Variants in DPP4 observed in about 807,000 individuals in gnomAD.
DPP4 encodes the protein ADCP-2.
A neutral mutation model predicts 122.4 loss-of-function variants in DPP4; 93 were observed. The ratio of observed to expected loss-of-function variants is 0.76; its 90% CI spans 0.64 to 0.90. DPP4 has a LOEUF of 0.90. Among genes scored for constraint, DPP4 ranks in the 40% least tolerant of loss-of-function variants. The pLI is 0.00. For missense variants in DPP4, 914 were observed against 907.3 expected (o/e 1.01, Z -0.09); for synonymous variants, 321 against 302.9 (o/e 1.06, Z -0.62).
intron 14 of DPP4, among the ~76,000 whole-genome samples, chr2:162,019,641 A>T (rs930073774): frequency 1.3e-5 from 2 of 152,094 alleles, no homozygotes; most frequent in African/African-American, 4.8e-5. Flanking sequence ...CTTATAACAT[A>T]AGCTACTAGA....
chr2:162,038,262 T>C, intron 8 of DPP4, 40 bp downstream of exon 8: 1 of 1,496,208 alleles, frequency 6.7e-7, no homozygotes, highest in Non-Finnish European at 8.9e-7. Context: ...TTTTAAAAGC[T>C]TATAGATTTT....
chr2:162,021,925 C>G (rs1305615394), intron 12 of DPP4, among the ~76,000 whole-genome samples: 1 of 152,276 alleles, frequency 6.6e-6, no homozygotes, highest in East Asian at 1.9e-4. Flanking sequence ...GCTGCCGGAG[C>G]TCTGAGCCCA....
At chr2:162,030,765 C>T (rs1683520101) in intron 10 of DPP4, among the ~76,000 whole-genome samples, 1 of 152,106 alleles carries the variant, frequency 6.6e-6, no homozygotes, top group Non-Finnish European at 1.5e-5. Flanking sequence ...TAACAGAGAC[C>T]AGAGCTATAT....
In DPP4 at chr2:162,017,138, A is replaced by G; in HGVS notation, c.1438T>C (p.Tyr480His). ...TCATTCACGCTGCTGTGTAGAGTAT[A>G]GAGGGGCAGACCAGGACCTGTTAAC... The part of the protein sequence containing the change: ...LRCSGPGLPL[Y>H]TLHSSVNDKG... The change falls in exon 17 of 26, where the codon TAT becomes CAT. Residue 480 changes from tyrosine (Y) to histidine (H), a missense_variant. Coordinates refer to ENST00000360534, the MANE Select transcript of DPP4 (RefSeq NM_001935.4). 1.2e-6 allele frequency: 2 copies of G among 1,612,276 alleles called. No individual in the cohort carries two copies. Among genetic ancestry groups the G allele is most frequent in the South Asian group, 2.2e-5 (2 of 90,896 alleles).
Position 162,008,566 on chromosome 2 carries a change from G to A in DPP4, c.1983C>T (p.Tyr661=), listed in dbSNP as rs2193680. ...IAVAPVSRWE[Y]YDSVYTERYM... ...TACCTGGCAGCAATTACATACCATA[G>A]TACTCCCACCGGGATACAGGCGCCA... Residue 661 remains tyrosine (Y), a synonymous_variant, in exon 22 of 26, where the codon TAC becomes TAT. Transcript: ENST00000360534. 6.2e-7 allele frequency: 1 copy of A among 1,613,102 alleles called. No homozygotes were observed. Among genetic ancestry groups the A allele is most frequent in the Non-Finnish European group, 8.5e-7 (1 of 1,179,398 alleles).
In DPP4 at chr2:162,020,586, T is replaced by C; in HGVS notation, c.1171A>G (p.Lys391Glu). The change falls in exon 13 of 26, where the codon AAA becomes GAA. Residue 391 changes from lysine to glutamate, a missense_variant. Lys to Glu is a moderately conservative substitution (Grantham distance 56, BLOSUM62 1). Coordinates refer to ENST00000360534, the MANE Select transcript of DPP4 (RefSeq NM_001935.4). ...YRHICYFQID[K>E]KDCTFITKGT... ...AAATATGTAAGAATACTCACTTTTT[T>C]ATCTATTTGGAAATAGCAAATGTGT... 6.3e-7 allele frequency: 1 copy of C among 1,598,730 alleles called. No homozygotes were observed. Among genetic ancestry groups the C allele is most frequent in the Non-Finnish European group, 8.5e-7 (1 of 1,175,186 alleles).
chr2:162,074,040 G>T lies in DPP4; in HGVS notation c.-59C>A. Reference sequence around the variant, plus strand: ...AAGGAGCGCAGGCAGAAGTCACCGCGGGCGGCGGAGACGCGCGTCCTGCAC... The same window carrying T: ...AAGGAGCGCAGGCAGAAGTCACCGCTGGCGGCGGAGACGCGCGTCCTGCAC... On this transcript the variant is annotated 5_prime_UTR_variant, in exon 1 of 26. Coordinates refer to ENST00000360534, the MANE Select transcript of DPP4 (RefSeq NM_001935.4). 2 of 1,592,082 alleles carry T rather than the reference G, an allele frequency of 1.3e-6. No individual in the cohort carries two copies. Among genetic ancestry groups the T allele is most frequent in the Non-Finnish European group, 1.7e-6 (2 of 1,170,226 alleles).
chr2:161,999,653 G>C (rs749513634), intron 23 of DPP4, among the ~76,000 whole-genome samples: 1 of 152,186 alleles, frequency 6.6e-6, no homozygotes, highest in Non-Finnish European at 1.5e-5. Context: ...GATCATGCTG[G>C]TTCCTCAGTT....
intron 2 of DPP4, among the ~76,000 whole-genome samples, chr2:162,048,590 C>T (rs1000528920): frequency 3.9e-5 from 6 of 152,138 alleles, no homozygotes; most frequent in Non-Finnish European, 8.8e-5. Context: ...CCACTGAACC[C>T]AGAAGATCTT....
chr2:162,041,446 C>T (rs1029056990), intron 5 of DPP4, among the ~76,000 whole-genome samples: 1 of 152,146 alleles, frequency 6.6e-6, no homozygotes, highest in African/African-American at 2.4e-5. Context: ...ATCCCAAGGA[C>T]ACCTAGCTAT....
At chr2:162,013,968 T>C (rs1682810020) in intron 19 of DPP4, among the ~76,000 whole-genome samples, 1 of 152,038 alleles carries the variant, frequency 6.6e-6, no homozygotes, top group South Asian at 2.1e-4. Flanking sequence ...AAAAGGGGAA[T>C]AGAAAATAGC....
Position 162,047,014 on chromosome 2 carries a change from G to C in DPP4, c.194-8C>G, listed in dbSNP as rs370010096. 2 of 1,449,130 alleles carry C rather than the reference G, an allele frequency of 1.4e-6. No individual in the cohort carries two copies. The highest frequency in any genetic ancestry group is 2.3e-5 in the East Asian group (1 of 43,858). 89.8% of individuals were successfully genotyped at this position (1,449,130 alleles called of 1,614,324 possible). A position where few individuals can be genotyped will look rare whatever the true frequency, so the allele number is the denominator to read the frequency against. On this transcript the variant is annotated splice_polypyrimidine_tract_variant and splice_region_variant and intron_variant, in intron 3 of 25. Coordinates refer to ENST00000360534, the MANE Select transcript of DPP4 (RefSeq NM_001935.4). ...TGTAGAGATATTCATGATCTAAAGA[G>C]AGAAAACACCCAGATCAAAATTTCA...
intron 8 of DPP4, 55 bp from the exon 9 acceptor site, chr2:162,035,379 G>A: frequency 1.3e-6 from 2 of 1,546,358 alleles, no homozygotes; most frequent in Non-Finnish European, 8.8e-7. Context: ...AATTGGCTTT[G>A]GCATTCAAAA....
In DPP4 at chr2:162,021,290, T is replaced by C. The variant is rs550135644; in HGVS notation, c.1069-602A>G. Among the ~76,000 whole-genome samples, 8 of 152,304 alleles carry C rather than the reference T, an allele frequency of 5.3e-5. No homozygotes were observed. In the East Asian group the frequency reaches 1.5e-3, roughly 29 times the overall value. ...TTATAAGCCTTTTCATTTTGTTAAA[T>C]ATGATCAACAATTTACAAAAAATAT... is the stretch of plus-strand genomic sequence containing the variant. On this transcript the variant is annotated intron_variant, in intron 12 of 25. Coordinates refer to ENST00000360534, the MANE Select transcript of DPP4 (RefSeq NM_001935.4).
At chr2:162,003,544 T>G (rs1037147963) in intron 23 of DPP4, among the ~76,000 whole-genome samples, 2 of 152,190 alleles carry the variant, frequency 1.3e-5, no homozygotes, top group African/African-American at 4.8e-5. Context: ...TAAAATATAA[T>G]TTTTTAAATG....
chr2:162,066,486 C>A (rs1290002342), intron 2 of DPP4, among the ~76,000 whole-genome samples: 1 of 152,178 alleles, frequency 6.6e-6, no homozygotes, highest in Admixed American at 6.5e-5. Context: ...TCCTCTCTAT[C>A]CCACTTGATT....
At position 162,008,557 on chromosome 2, in the gene DPP4, C is replaced by A. The variant is rs773220934; in HGVS notation, c.1987+5G>T. 4 of 1,612,698 alleles carry A rather than the reference C, an allele frequency of 2.5e-6. No individual in the cohort carries two copies. The South Asian group carries it at 4.4e-5, about 18-fold the overall frequency. Reference sequence around the variant, plus strand: ...ATCTCTTTGTACCTGGCAGCAATTACATACCATAGTACTCCCACCGGGATA... The same window carrying A: ...ATCTCTTTGTACCTGGCAGCAATTAAATACCATAGTACTCCCACCGGGATA... On this transcript the variant is annotated splice_donor_5th_base_variant and intron_variant, in intron 22 of 25. Transcript: ENST00000360534.
chr2:162,002,981 T>C (rs1260830872), intron 23 of DPP4, among the ~76,000 whole-genome samples: 1 of 152,238 alleles, frequency 6.6e-6, no homozygotes, highest in Non-Finnish European at 1.5e-5. Flanking sequence ...GCCTCACTTG[T>C]ATCCTGCCCA....
chr2:162,061,474 A>G (rs927802173), intron 2 of DPP4, among the ~76,000 whole-genome samples: 1 of 152,160 alleles, frequency 6.6e-6, no homozygotes, highest in East Asian at 1.9e-4. Context: ...ATATTTTGCC[A>G]ATTAATCAAG....
Sources: allele counts gnomAD v4.1 joint callset (sites outside exome capture counted in the v4.1 genomes callset), GRCh38; gene constraint gnomAD v4.1.1; transcripts MANE v1.5; gene names NCBI Gene and HGNC (gene_info 2026-07-23, HGNC 2026-07-21).